The following TSPEAR variants were observed in gnomAD, a reference collection of about 807,000 sequenced individuals.
TSPEAR encodes thrombospondin type laminin G domain and EAR repeats.
TSPEAR carries 69 observed loss-of-function variants against 71.6 expected under a neutral mutation model. The ratio of observed to expected loss-of-function variants is 0.96; its 90% confidence interval spans 0.79 to 1.18. The LOEUF (loss-of-function observed/expected upper bound fraction) is 1.18, where lower values mean the gene tolerates loss of function less well. Ranked by LOEUF, TSPEAR falls within the 50% of genes most tolerant of loss-of-function variation. The pLI is 0.00. For synonymous variants in TSPEAR, 402 were observed against 387.2 expected (o/e 1.04, Z -0.45); for missense variants, 971 against 894.9 (o/e 1.09, Z -1.09).
intron 10 of TSPEAR, chr21:44,507,015 T>C (rs2052218570): frequency 6.6e-6 from 1 of 152,248 alleles, no homozygotes; most frequent in Admixed American, 6.5e-5. Context: ...GGATGAAGTG[T>C]GACTCAGCCA....
chr21:44,586,368 A>G (rs1161622675), intron 1 of TSPEAR, among the ~76,000 whole-genome samples: 1 of 152,048 alleles, frequency 6.6e-6, no homozygotes, highest in African/African-American at 2.4e-5. Flanking sequence ...GTTTTCTATC[A>G]CTGTTCTGGT....
intron 2 of TSPEAR, among the ~76,000 whole-genome samples, chr21:44,536,601 C>T (rs2053094487): frequency 6.6e-6 from 1 of 152,170 alleles, no homozygotes; most frequent in Non-Finnish European, 1.5e-5. Context: ...TAGTGGTGAA[C>T]CTTTGACGCT....
intron 2 of TSPEAR, among the ~76,000 whole-genome samples, chr21:44,557,331 A>T (rs1013025697): frequency 1.3e-5 from 2 of 152,238 alleles, no homozygotes; most frequent in East Asian, 3.8e-4. Flanking sequence ...CATGAGCGAG[A>T]ACTGGTGGAA....
intron 1 of TSPEAR, among the ~76,000 whole-genome samples, chr21:44,590,697 T>C (rs998806633): frequency 2.6e-5 from 4 of 152,016 alleles, no homozygotes; most frequent in African/African-American, 4.8e-5. Context: ...TGGCTGGAGC[T>C]AGGCCCCGGG....
chr21:44,638,426 T>A (rs1983807936), intron 1 of TSPEAR: 1 of 397,804 alleles, frequency 2.5e-6, no homozygotes, highest in Non-Finnish European at 4.8e-6. Flanking sequence ...CCCCTCTAGT[T>A]CTAATAAAGC....
chr21:44,579,590 G>T, intron 1 of TSPEAR: 1 of 815,948 alleles, frequency 1.2e-6, no homozygotes, highest in Non-Finnish European at 1.9e-6. Context: ...CTGCTGGGAG[G>T]CAGGAGCTGG....
At chr21:44,513,110 G>A (rs1258236926) in intron 9 of TSPEAR, among the ~76,000 whole-genome samples, 1 of 152,232 alleles carries the variant, frequency 6.6e-6, no homozygotes, top group Non-Finnish European at 1.5e-5. Flanking sequence ...ATCTGCAACT[G>A]GCTGGAGGCT....
In TSPEAR at chr21:44,612,560, G is replaced by C. The variant is rs782592836; in HGVS notation, c.83-44555C>G. 16 of 1,613,980 alleles carry C rather than the reference G, an allele frequency of 9.9e-6. No individual in the cohort carries two copies. Among genetic ancestry groups the C allele is most frequent in the Middle Eastern group, 3.3e-4 (2 of 6,060 alleles). On this transcript the variant is annotated intron_variant, in intron 1 of 11. Coordinates refer to ENST00000323084, the MANE Select transcript of TSPEAR (RefSeq NM_144991.3). This position sits in a 1 kb window ranked among gnomAD's most constrained non-coding sequence, Gnocchi z 4.1. ...CTGCCAGCAGTCTAGCTGCCAGTCA[G>C]CTTGCTGCACCTTCTCCCCATGCCA...
At chr21:44,542,960 A>AATG (rs2146011827) in intron 2 of TSPEAR, among the ~76,000 whole-genome samples, 1 of 152,280 alleles carries the variant, frequency 6.6e-6, no homozygotes, top group African/African-American at 2.4e-5. Flanking sequence ...TCTCAGTAGA[A>AATG]ATGATGAAAG....
intron 1 of TSPEAR, among the ~76,000 whole-genome samples, chr21:44,694,299 TAAGTC>T (rs1175196442): frequency 6.6e-6 from 1 of 152,190 alleles, no homozygotes; most frequent in Non-Finnish European, 1.5e-5. Flanking sequence ...CCAAGTGAAA[TAAGTC>T]AGTCACAAAA....
intron 1 of TSPEAR, among the ~76,000 whole-genome samples, chr21:44,572,110 C>T (rs1555922622): frequency 6.6e-6 from 1 of 152,236 alleles, no homozygotes; most frequent in African/African-American, 2.4e-5. Flanking sequence ...TGTGGGATTC[C>T]TCCCCCAACG....
intron 1 of TSPEAR, among the ~76,000 whole-genome samples, chr21:44,704,239 T>TG (rs75889770): frequency 1 from 151,870 of 151,874 alleles, 75,933 homozygotes; most frequent in Middle Eastern, 1. Flanking sequence ...CCTGCTTCCC[T>TG]GGGTACCCCA....
chr21:44,531,337 G>A (rs2052966893), intron 3 of TSPEAR, among the ~76,000 whole-genome samples: 1 of 152,200 alleles, frequency 6.6e-6, no homozygotes. Flanking sequence ...TTCTCCGAAG[G>A]CTCCAGAGGA....
chr21:44,681,831 G>T, intron 1 of TSPEAR: 1 of 1,606,654 alleles, frequency 6.2e-7, no homozygotes, highest in Non-Finnish European at 8.5e-7. Context: ...GGAGATTCAT[G>T]CTCAGCAGCA....
intron 1 of TSPEAR, among the ~76,000 whole-genome samples, chr21:44,675,696 T>C (rs587636956): frequency 6.6e-6 from 1 of 152,326 alleles, no homozygotes; most frequent in Admixed American, 6.5e-5. Flanking sequence ...TGGAGTTCAC[T>C]GACATGATAG....
chr21:44,690,568 G>A, intron 1 of TSPEAR: 6 of 985,464 alleles, frequency 6.1e-6, no homozygotes, highest in Non-Finnish European at 7.2e-6. Context: ...TGATGTCCGG[G>A]AGGTCAGCAT....
intron 1 of TSPEAR, among the ~76,000 whole-genome samples, chr21:44,694,310 C>CA (rs1555950126): frequency 4.6e-5 from 7 of 151,856 alleles, no homozygotes; most frequent in African/African-American, 7.2e-5. Flanking sequence ...AAGTCAGTCA[C>CA]AAAAAAAACA....
At chr21:44,639,618 C>G (rs1286191420) in intron 1 of TSPEAR, among the ~76,000 whole-genome samples, 2 of 152,202 alleles carry the variant, frequency 1.3e-5, no homozygotes, top group African/African-American at 4.8e-5. Context: ...AAAACCTGCC[C>G]CGGTTTTTGG....
rs1266477152 is a variant in TSPEAR, at chr21:44,537,718, CG to C, written c.304-3796del. 7.2e-5 allele frequency among the ~76,000 whole-genome samples: 11 copies of C among 152,156 alleles called. No individual in the cohort carries two copies. The East Asian group carries it at 1.5e-3, about 21-fold the overall frequency. On this transcript the variant is annotated intron_variant, in intron 2 of 11. Transcript: ENST00000323084. ...GCAAAATTAGGCCTGTTTCCAATCT[CG>C]GGGAGTGTGCTGTATAGAAGCAATG... is the stretch of plus-strand genomic sequence containing the variant.
Sources: gnomAD v4.1 joint callset for allele counts (sites outside exome capture counted in the v4.1 genomes callset) on GRCh38, gnomAD v4.1.1 for gene constraint, Gnocchi (gnomAD v3.1) non-coding constraint, MANE v1.5 for transcripts, NCBI Gene and HGNC (gene_info 2026-07-23, HGNC 2026-07-21) for gene names.